The following RASGEF1C variants were observed in gnomAD, a reference collection of about 807,000 sequenced individuals.
RASGEF1C encodes the protein ras-GEF domain-containing family member 1C.
In RASGEF1C, 27 loss-of-function variants were observed where a neutral mutation model predicts 58.1. The observed-to-expected ratio is 0.46, with a 90% confidence interval of 0.34 to 0.64. RASGEF1C has a LOEUF of 0.64. RASGEF1C is among the 30% of genes least tolerant of loss of function. The pLI is 0.01. For missense variants in RASGEF1C, 502 were observed against 605.1 expected, an observed-to-expected ratio of 0.83 and a Z score of 1.79; for synonymous variants, 243 against 246.3, an observed-to-expected ratio of 0.99 and a Z score of 0.13.
intron 1 of RASGEF1C, among the ~76,000 whole-genome samples, chr5:180,151,955 G>T (rs537732486): frequency 6.6e-6 from 1 of 151,492 alleles, no homozygotes; most frequent in African/African-American, 2.4e-5. Context: ...GCAGCCAAAA[G>T]ACACATGAAA....
intron 1 of RASGEF1C, among the ~76,000 whole-genome samples, chr5:180,207,855 CCAGACGAAGG>C (rs1307213780): frequency 6.6e-6 from 1 of 152,106 alleles, no homozygotes; most frequent in Non-Finnish European, 1.5e-5. Context: ...GCCTCCCTGA[CCAGACGAAGG>C]CTCCGCCGCG....
chr5:180,115,042 TCTCA>T (rs1406656082), intron 10 of RASGEF1C, among the ~76,000 whole-genome samples: 16 of 149,124 alleles, frequency 1.1e-4, no homozygotes, highest in African/African-American at 3.5e-4. Context: ...TTGAGAGGAG[TCTCA>T]CTCTGTCACC....
rs1274920954 is a variant in RASGEF1C, at chr5:180,102,157, G to A, written c.1304-14C>T. 6.7e-7 allele frequency: 1 copy of A among 1,486,524 alleles called. No homozygotes were observed. Among genetic ancestry groups the A allele is most frequent in the Non-Finnish European group, 9.4e-7 (1 of 1,064,684 alleles). 92.1% of individuals were successfully genotyped at this position (1,486,524 alleles called of 1,614,324 possible). ...CCAAATAAAGACCTAGACAGAAAATGAAGTGAAATTTCACAATTATGGTTG... is the reference window on the plus strand; with the variant it reads ...CCAAATAAAGACCTAGACAGAAAATAAAGTGAAATTTCACAATTATGGTTG... On this transcript the variant is annotated splice_polypyrimidine_tract_variant and intron_variant, in intron 12 of 13. Coordinates refer to ENST00000361132, the MANE Select transcript of RASGEF1C (RefSeq NM_175062.4).
chr5:180,109,244 C>T (rs1157290929), intron 12 of RASGEF1C, among the ~76,000 whole-genome samples: 1 of 152,078 alleles, frequency 6.6e-6, no homozygotes, highest in African/African-American at 2.4e-5. Context: ...ATCATGAGGT[C>T]AGGAGATTGA....
intron 1 of RASGEF1C, among the ~76,000 whole-genome samples, chr5:180,204,201 T>C (rs1756450725): frequency 6.6e-6 from 1 of 152,224 alleles, no homozygotes; most frequent in Admixed American, 6.5e-5. Flanking sequence ...AACTGCGTTG[T>C]CTCTACTTTT....
intron 12 of RASGEF1C, 55 bp downstream of exon 12, chr5:180,111,402 G>A (rs1307380965): frequency 6.2e-7 from 1 of 1,612,332 alleles, no homozygotes; most frequent in Non-Finnish European, 8.5e-7. Context: ...GTGACTGAGA[G>A]GCTACCCCAG....
intron 1 of RASGEF1C, among the ~76,000 whole-genome samples, chr5:180,192,750 GT>G (rs59956150): frequency 4.0e-4 from 59 of 147,170 alleles, no homozygotes; most frequent in East Asian, 1.0e-3. Context: ...TTTGTTTTTT[GT>G]TTTTTTTTTT....
rs1377541434 is a variant in RASGEF1C, at chr5:180,198,730, T to C, written c.-7+10298A>G. Among the ~76,000 whole-genome samples, 1 of 152,128 alleles carries C rather than the reference T, an allele frequency of 6.6e-6. No homozygotes were observed. The highest frequency in any genetic ancestry group is 1.5e-5 in the Non-Finnish European group (1 of 68,020). On this transcript the variant is annotated intron_variant, in intron 1 of 13. Coordinates refer to ENST00000361132, the MANE Select transcript of RASGEF1C (RefSeq NM_175062.4). This position sits in a 1 kb window ranked among gnomAD's most constrained non-coding sequence, Gnocchi z 4.5. ...CAGTCAACAATTATGTTTCAACATA[T>C]AAATTTGTGGGGGGACATGCTCAGA...
rs532904964 is a variant in RASGEF1C at position 180,112,442 on chromosome 5, C to T, written c.1180-862G>A. The stretch of plus-strand genomic sequence containing the variant: ...CACAGCCCACGGAGGCCATGCTGCA[C>T]CTCTACCCCCAGCCCCTCTCTGGGC... On this transcript the variant is annotated intron_variant, in intron 11 of 13. Transcript: ENST00000361132. 4.6e-5 allele frequency among the ~76,000 whole-genome samples: 7 copies of T among 152,356 alleles called. No homozygotes were observed. In the South Asian group the frequency reaches 6.2e-4, roughly 14 times the overall value.
intron 4 of RASGEF1C, among the ~76,000 whole-genome samples, chr5:180,134,421 A>G (rs1395193593): frequency 4.0e-5 from 6 of 151,754 alleles, no homozygotes; most frequent in Admixed American, 3.9e-4. Context: ...TGGCTCCAAC[A>G]TCGGGCAGGA....
intron 1 of RASGEF1C, among the ~76,000 whole-genome samples, chr5:180,139,814 G>A (rs2113281148): frequency 6.6e-6 from 1 of 152,308 alleles, no homozygotes; most frequent in African/African-American, 2.4e-5. Flanking sequence ...TCCTGCCCAG[G>A]GCCCGGCAGC....
intron 6 of RASGEF1C, among the ~76,000 whole-genome samples, chr5:180,121,681 A>ACACACACAC (rs71892414): frequency 4.1e-5 from 3 of 73,468 alleles, no homozygotes; most frequent in South Asian, 6.3e-4. Flanking sequence ...ACACACACAC[A>ACACACACAC]CCCTCATTAT....
intron 1 of RASGEF1C, among the ~76,000 whole-genome samples, chr5:180,190,423 G>C (rs1276740407): frequency 6.7e-6 from 1 of 148,610 alleles, no homozygotes; most frequent in Non-Finnish European, 1.5e-5. Context: ...CTGGGAGGCG[G>C]AGCTTGCAGT....
chr5:180,170,293 T>C (rs1767087313), intron 1 of RASGEF1C, among the ~76,000 whole-genome samples: 1 of 151,988 alleles, frequency 6.6e-6, no homozygotes, highest in Non-Finnish European at 1.5e-5. Flanking sequence ...GTGACCCGGC[T>C]GCTCCCATAG....
intron 11 of RASGEF1C, among the ~76,000 whole-genome samples, chr5:180,111,793 TTTG>T (rs1366802743): frequency 6.6e-6 from 1 of 152,228 alleles, no homozygotes; most frequent in Admixed American, 6.5e-5. Context: ...TTGTATTTAC[TTTG>T]TTGTTATCCT....
In RASGEF1C at chr5:180,137,559, C is replaced by G. The variant is rs908509391; in HGVS notation, c.300+31G>C. 1 of 1,598,244 alleles carries G rather than the reference C, an allele frequency of 6.3e-7. No individual in the cohort carries two copies. Among genetic ancestry groups the G allele is most frequent in the South Asian group, 1.1e-5 (1 of 89,056 alleles). ...CATGGCAGGGCAGTGCTGGTACACTCTGAGACCCCCTGGCCTGCCCTCCGC... is the reference window on the plus strand; with the variant it reads ...CATGGCAGGGCAGTGCTGGTACACTGTGAGACCCCCTGGCCTGCCCTCCGC... On this transcript the variant is annotated intron_variant, in intron 3 of 13. Transcript: ENST00000361132. This position sits in a 1 kb window ranked among gnomAD's most constrained non-coding sequence, Gnocchi z 4.1.
intron 1 of RASGEF1C, among the ~76,000 whole-genome samples, chr5:180,184,939 A>G (rs1455561223): frequency 6.6e-6 from 1 of 152,242 alleles, no homozygotes; most frequent in Admixed American, 6.5e-5. Flanking sequence ...ACAAACCACA[A>G]CCTTAGTTGA....
chr5:180,170,301 T>C (rs991237116), intron 1 of RASGEF1C, among the ~76,000 whole-genome samples: 7 of 152,098 alleles, frequency 4.6e-5, no homozygotes, highest in Non-Finnish European at 8.8e-5. Flanking sequence ...GCTGCTCCCA[T>C]AGGGCCGCCA....
At chr5:180,144,252 G>A (rs945683326) in intron 1 of RASGEF1C, among the ~76,000 whole-genome samples, 2 of 152,176 alleles carry the variant, frequency 1.3e-5, no homozygotes, top group Admixed American at 1.3e-4. Flanking sequence ...GCTGCAGCTG[G>A]GGCGACCCTC....
Sources: allele counts gnomAD v4.1 joint callset (sites outside exome capture counted in the v4.1 genomes callset), GRCh38; gene constraint gnomAD v4.1.1; non-coding constraint Gnocchi (gnomAD v3.1); transcripts MANE v1.5; gene names NCBI Gene and HGNC (gene_info 2026-07-23, HGNC 2026-07-21).